The following BOC variants were observed in gnomAD, a reference collection of about 807,000 sequenced individuals.
BOC encodes the protein BOC cell adhesion associated, oncogene regulated.
BOC carries 76 observed loss-of-function variants against 112.0 expected under a neutral mutation model. The observed-to-expected ratio is 0.68, with a 90% CI of 0.56 to 0.82. The LOEUF (loss-of-function observed/expected upper bound fraction) is 0.82, where lower values mean the gene tolerates loss of function less well. Ranked by LOEUF, BOC falls within the 40% of genes least tolerant of loss-of-function variation. BOC has a pLI of 0.00. For missense variants in BOC, 1,309 were observed against 1,511.7 expected (o/e 0.87, Z 2.22); for synonymous variants, 580 against 599.8 (o/e 0.97, Z 0.48).
intron 5 of BOC, 179 bp from the exon 6 acceptor site, chr3:113,270,622 C>G: frequency 1.5e-6 from 1 of 663,160 alleles, no homozygotes. Flanking sequence ...CTGCTTGTTG[C>G]AAGGTTTTAT....
intron 2 of BOC, among the ~76,000 whole-genome samples, chr3:113,221,105 C>G (rs1940547434): frequency 1.3e-5 from 2 of 152,146 alleles, no homozygotes; most frequent in African/African-American, 4.8e-5. Flanking sequence ...AGGTATGTGA[C>G]CCTAGGCAAA....
intron 2 of BOC, among the ~76,000 whole-genome samples, chr3:113,240,726 G>T (rs1284594156): frequency 1.3e-5 from 2 of 152,116 alleles, no homozygotes; most frequent in Non-Finnish European, 2.9e-5. Flanking sequence ...TCATATCTTG[G>T]TTATGAATTT....
intron 4 of BOC, among the ~76,000 whole-genome samples, chr3:113,264,481 T>C (rs546764834): frequency 2.6e-5 from 4 of 152,288 alleles, no homozygotes; most frequent in Non-Finnish European, 5.9e-5. Flanking sequence ...GTCCCTTATT[T>C]CCAGTGAAGC....
Position 113,236,228 on chromosome 3 carries a change from A to ATGTGTGTGTG in BOC, c.-81-13464_-81-13455dup, listed in dbSNP as rs765387902. 1.3e-3 allele frequency among the ~76,000 whole-genome samples: 99 copies of ATGTGTGTGTG among 78,064 alleles called. 2 individuals are homozygous for ATGTGTGTGTG. The highest frequency in any genetic ancestry group is 6.7e-3 in the Middle Eastern group (1 of 150). The allele number at this position is 78,064 out of a possible 152,430, so 51.2% of individuals were successfully genotyped here. ...TATATATATACGTGTATATACGTAT[A>ATGTGTGTGTG]TGTGTGTGTGTGTGTGTGTGTGTGT... On this transcript the variant is annotated intron_variant, in intron 2 of 19. Transcript: ENST00000682979.
rs934166990 is a variant in BOC at position 113,278,015 on chromosome 3, G to C, written c.1543-80G>C. The C allele has an allele frequency of 7.8e-6, 12 of 1,545,344 alleles. No homozygotes were observed. Among genetic ancestry groups the C allele is most frequent in the Admixed American group, 1.7e-5 (1 of 58,578 alleles). ...CCCTTCTCCTGCCCTCTTGGGCTCA[G>C]CGCTGCTTTCTTTGTAAACCATAGC... On this transcript the variant is annotated intron_variant, in intron 9 of 19. Transcript: ENST00000682979. The surrounding 1 kb of genome is among the most constrained non-coding windows in gnomAD (Gnocchi z 4.2).
chr3:113,242,385 A>G (rs1316988949), intron 2 of BOC, among the ~76,000 whole-genome samples: 1 of 152,152 alleles, frequency 6.6e-6, no homozygotes, highest in African/African-American at 2.4e-5. Context: ...ATGAGTGACA[A>G]AGAAAACTCC....
At chr3:113,220,731 T>C (rs138983178) in intron 2 of BOC, among the ~76,000 whole-genome samples, 7 of 152,344 alleles carry the variant, frequency 4.6e-5, no homozygotes, top group African/African-American at 1.7e-4. Flanking sequence ...GAGACCCTCC[T>C]GGATCCCTCC....
In BOC at chr3:113,273,116, G is replaced by C; in HGVS notation, c.1009G>C (p.Gly337Arg). The stretch of plus-strand genomic sequence containing the variant: ...GCTATCCCAGCTGGTCATCCCCTGG[G>C]GCCAGAGTGCCAAGCTTACCTGTGA... The part of the protein sequence containing the change: ...MELSQLVIPW[G>R]QSAKLTCEVR... The change falls in exon 8 of 20, where the codon GGC (glycine) becomes CGC (arginine). Residue 337 changes from glycine (G) to arginine (R), a missense_variant. Gly to Arg is a moderately radical substitution (Grantham distance 125). Transcript: ENST00000682979. 1 of 1,611,726 alleles carries C rather than the reference G, an allele frequency of 6.2e-7. No homozygotes were observed. The highest frequency in any genetic ancestry group is 8.5e-7 in the Non-Finnish European group (1 of 1,178,138).
intron 15 of BOC, among the ~76,000 whole-genome samples, chr3:113,283,175 A>C (rs915658336): frequency 2.0e-5 from 3 of 152,182 alleles, no homozygotes; most frequent in Non-Finnish European, 2.9e-5. Context: ...GCTCACAGAC[A>C]TCTCGCTCTG....
chr3:113,249,325 T>C (rs1945325447), intron 2 of BOC, among the ~76,000 whole-genome samples: 1 of 152,212 alleles, frequency 6.6e-6, no homozygotes, highest in Non-Finnish European at 1.5e-5. Context: ...AGCTGGCCTT[T>C]TGCAAGCAAA....
intron 1 of BOC, among the ~76,000 whole-genome samples, chr3:113,214,562 A>G (rs906605147): frequency 6.6e-6 from 1 of 152,232 alleles, no homozygotes; most frequent in Non-Finnish European, 1.5e-5. Context: ...ATTGCTATCC[A>G]ATACCTTGTG....
rs1948329510 is a variant in BOC at position 113,273,234 on chromosome 3, T to G, written c.1127T>G (p.Leu376Arg). ...CGCCTCCGGCTCTCCCGCAGGGCCC[T>G]GCGCGTGCTCAGCATGGGGCCTGAG... ...SQRLRLSRRA[L>R]RVLSMGPEDE... is the part of the protein sequence containing the mutation. Residue 376 changes from leucine to arginine, a missense_variant, in exon 8 of 20, where the codon CTG becomes CGG. Transcript: ENST00000682979. 6.2e-7 allele frequency: 1 copy of G among 1,613,494 alleles called. No homozygotes were observed. Among genetic ancestry groups the G allele is most frequent in the African/African-American group, 1.3e-5 (1 of 74,912 alleles).
intron 4 of BOC, among the ~76,000 whole-genome samples, chr3:113,259,395 C>T (rs923991474): frequency 6.6e-6 from 1 of 152,212 alleles, no homozygotes; most frequent in Non-Finnish European, 1.5e-5. Context: ...GAGCCTTTTG[C>T]ACCAGAAGCC....
In BOC at chr3:113,272,440, A is replaced by G; in HGVS notation, c.698A>G (p.Tyr233Cys). 1.2e-6 allele frequency: 2 copies of G among 1,613,336 alleles called. No homozygotes were observed. The highest frequency in any genetic ancestry group is 1.7e-6 in the Non-Finnish European group (2 of 1,179,768). The stretch of plus-strand genomic sequence containing the variant: ...ACCGCTGAGGCTGCCCGCATCATCT[A>G]CCCCCCAGAGGCCCAAACCATCATC... ...RSTAEAARII[Y>C]PPEAQTIIVT... The change falls in exon 7 of 20, where the codon TAC becomes TGC. Residue 233 changes from tyrosine to cysteine, a missense_variant. By Grantham distance (194) the Tyr-to-Cys change is radical. Coordinates refer to ENST00000682979, the MANE Select transcript of BOC (RefSeq NM_001378074.1).
At chr3:113,270,130 T>C (rs1947950740) in intron 5 of BOC, 1 of 152,264 alleles carries the variant, frequency 6.6e-6, no homozygotes, top group Admixed American at 6.5e-5. Context: ...AGGACAGTGG[T>C]TGAAAGTCAG....
At chr3:113,246,383 G>A (rs1944922999) in intron 2 of BOC, among the ~76,000 whole-genome samples, 1 of 152,046 alleles carries the variant, frequency 6.6e-6, no homozygotes, top group South Asian at 2.1e-4. Context: ...CCTTACTGTT[G>A]CCTTCACCCA....
chr3:113,241,050 G>A (rs1944225580), intron 2 of BOC, among the ~76,000 whole-genome samples: 1 of 152,188 alleles, frequency 6.6e-6, no homozygotes, highest in Non-Finnish European at 1.5e-5. Flanking sequence ...GCCCCTGTAG[G>A]GGTTTATTTC....
intron 2 of BOC, among the ~76,000 whole-genome samples, chr3:113,246,607 C>A (rs1401322191): frequency 6.6e-6 from 1 of 152,140 alleles, no homozygotes; most frequent in Non-Finnish European, 1.5e-5. Flanking sequence ...TAAAATGCAT[C>A]ATTTTATGTA....
chr3:113,225,257 G>T (rs9870275), intron 2 of BOC, among the ~76,000 whole-genome samples: 2,605 of 148,606 alleles, frequency 0.018, 102 homozygotes, highest in African/African-American at 0.061. Flanking sequence ...CTGGGTGACA[G>T]AACAAGACCT....
Sources: allele counts gnomAD v4.1 joint callset (sites outside exome capture counted in the v4.1 genomes callset), GRCh38; gene constraint gnomAD v4.1.1; non-coding constraint Gnocchi (gnomAD v3.1); transcripts MANE v1.5; gene names NCBI Gene and HGNC (gene_info 2026-07-23, HGNC 2026-07-21).